MNT: variants seen among roughly 807,000 people sequenced by gnomAD.
MNT encodes the protein max-binding protein MNT.
Under a neutral mutation model 40.7 loss-of-function variants are expected in MNT, and 13 were observed. The observed-to-expected ratio is 0.32, with a 90% CI of 0.21 to 0.51. The LOEUF is 0.51. Ranked by LOEUF, MNT falls within the 20% of genes least tolerant of loss-of-function variation. The pLI is 0.98. For missense variants in MNT, 757 were observed against 792.0 expected (o/e 0.96, Z 0.53); for synonymous variants, 426 against 354.8 (o/e 1.20, Z -2.26).
intron 4 of MNT, among the ~76,000 whole-genome samples, chr17:2,388,700 GCC>G (rs1204976477): frequency 6.6e-6 from 1 of 152,034 alleles, no homozygotes; most frequent in Non-Finnish European, 1.5e-5. Context: ...CTAGGAACGT[GCC>G]CCCTGTACTT....
chr17:2,395,458 C>T lies in MNT; in HGVS notation c.74-4G>A, dbSNP rs778556609. 1 of 1,611,466 alleles carries T rather than the reference C, an allele frequency of 6.2e-7. No individual in the cohort carries two copies. Among genetic ancestry groups the T allele is most frequent in the South Asian group, 1.1e-5 (1 of 91,050 alleles). Reference sequence around the variant, plus strand: ...AAGCGAAGCCGCTCCTGCTCCTCTACACAGAGAGAACACAAGGGGGGGAGG... The same window carrying T: ...AAGCGAAGCCGCTCCTGCTCCTCTATACAGAGAGAACACAAGGGGGGGAGG... On this transcript the variant is annotated splice_polypyrimidine_tract_variant and splice_region_variant and intron_variant, in intron 1 of 5. Coordinates refer to ENST00000174618, the MANE Select transcript of MNT (RefSeq NM_020310.3).
intron 1 of MNT, chr17:2,396,402 T>C (rs1216188397): frequency 1.3e-5 from 2 of 152,260 alleles, no homozygotes; most frequent in African/African-American, 4.8e-5. Flanking sequence ...CCTGAGACAA[T>C]ACAAATACCC....
intron 4 of MNT, chr17:2,391,834 A>C (rs1434453748): frequency 6.6e-6 from 1 of 152,126 alleles, no homozygotes; most frequent in Non-Finnish European, 1.5e-5. Flanking sequence ...CGGAGGTCGC[A>C]CTCTGTGGCC....
At chr17:2,395,602 G>A (rs2066571753) in intron 1 of MNT, 148 bp from the exon 2 acceptor site, 2 of 1,424,678 alleles carry the variant, frequency 1.4e-6, no homozygotes, top group Non-Finnish European at 1.9e-6. Context: ...GCCCAGCCAG[G>A]CACGGGGGAA....
chr17:2,392,889 G>C (rs949059772), intron 4 of MNT: 3 of 152,110 alleles, frequency 2.0e-5, no homozygotes, highest in Non-Finnish European at 4.4e-5. Flanking sequence ...GCGCGTTGGC[G>C]GGAGGCTGGG....
At position 2,387,323 on chromosome 17, in the gene MNT, G is replaced by T; in HGVS notation, c.1327C>A (p.His443Asn). ...TAGGGSTVIAHTATTHASVIQ... is the reference protein window; with the variant it reads ...TAGGGSTVIANTATTHASVIQ... ...ACTGAAGCGTGAGTGGTGGCTGTGTGGGCGATGACCGTGGAGCCACCCCCA... is the reference window on the plus strand; with the variant it reads ...ACTGAAGCGTGAGTGGTGGCTGTGTTGGCGATGACCGTGGAGCCACCCCCA... Residue 443 changes from histidine (H) to asparagine (N), a missense_variant, in exon 6 of 6, where the codon CAC becomes AAC. Around this residue, in one of 4 missense-constraint regions of MNT, gnomAD observed 345 missense variants for 380.1 expected, o/e 0.91. Coordinates refer to ENST00000174618, the MANE Select transcript of MNT (RefSeq NM_020310.3). The T allele has an allele frequency of 6.2e-7, 1 of 1,613,162 alleles. No individual in the cohort carries two copies. Among genetic ancestry groups the T allele is most frequent in the Non-Finnish European group, 8.5e-7 (1 of 1,179,776 alleles).
chr17:2,393,966 G>A (rs2066550364), intron 4 of MNT, 77 bp downstream of exon 4: 4 of 1,001,130 alleles, frequency 4.0e-6, no homozygotes, highest in Non-Finnish European at 5.5e-6. Flanking sequence ...GTGAGGGCGG[G>A]GCGGGGCGCG....
Position 2,400,900 on chromosome 17 carries a change from T to C in MNT, c.-188A>G. The C allele has an allele frequency of 2.4e-6, 1 of 417,146 alleles. No individual in the cohort carries two copies. The highest frequency in any genetic ancestry group is 4.2e-6 in the Non-Finnish European group (1 of 236,988). 25.8% of individuals were successfully genotyped at this position (417,146 alleles called of 1,614,324 possible). A position where few individuals can be genotyped will look rare whatever the true frequency, so the allele number is the denominator to read the frequency against. ...GAAAAATCAATGTCTCTCAAAATAT[T>C]TGCAAAATATAAAATTGCAAATTTA... On this transcript the variant is annotated 5_prime_UTR_variant, in exon 1 of 6. Transcript: ENST00000174618.
At chr17:2,393,662 G>A (rs2066545189) in intron 4 of MNT, 1 of 153,726 alleles carries the variant, frequency 6.5e-6, no homozygotes, top group Non-Finnish European at 1.4e-5. Context: ...CTCCCGCCCA[G>A]GCTCTGCGGC....
intron 4 of MNT, chr17:2,390,633 T>C (rs556335810): frequency 6.6e-6 from 1 of 152,290 alleles, no homozygotes; most frequent in East Asian, 1.9e-4. Context: ...TACTCCCTGT[T>C]GCCAAAAAGG....
rs769115057 is a variant in MNT, at chr17:2,394,952, G to C, written c.576C>G (p.Pro192=). The change falls in exon 2 of 6, where the codon CCC becomes CCG. Residue 192 remains proline (P), a synonymous_variant. Transcript: ENST00000174618. ...ACTTCAGGGTCCCCAGCGTGGGTGG[G>C]GGCGGCTGCTGGGGGGCCAGCTGAG... is the stretch of plus-strand genomic sequence containing the variant. ...VQPQLAPQQP[P]PPTLGTLKLA... is the part of the protein sequence containing the mutation. The C allele has an allele frequency of 2.1e-5, 33 of 1,607,800 alleles. No individual in the cohort carries two copies. In the Admixed American group the frequency reaches 2.4e-4, roughly 12 times the overall value.
chr17:2,393,359 C>G (rs1242149714), intron 4 of MNT, among the ~76,000 whole-genome samples: 2 of 152,146 alleles, frequency 1.3e-5, no homozygotes, highest in Non-Finnish European at 2.9e-5. Context: ...AGGGAGGGGA[C>G]GCGCAGCCGG....
At position 2,388,058 on chromosome 17, in the gene MNT, C is replaced by A; in HGVS notation, c.808-9G>T. 1 of 1,552,208 alleles carries A rather than the reference C, an allele frequency of 6.4e-7. No homozygotes were observed. Among genetic ancestry groups the A allele is most frequent in the Non-Finnish European group, 8.7e-7 (1 of 1,146,600 alleles). Reference sequence around the variant, plus strand: ...TCCTTCCTCTTCAGGGACTGGCACACAGAGTAAGGGACAGCAGGACACCCT... The same window carrying A: ...TCCTTCCTCTTCAGGGACTGGCACAAAGAGTAAGGGACAGCAGGACACCCT... On this transcript the variant is annotated splice_polypyrimidine_tract_variant and intron_variant, in intron 4 of 5. Transcript: ENST00000174618.
chr17:2,398,076 G>C (rs2066589197), intron 1 of MNT, among the ~76,000 whole-genome samples: 1 of 152,224 alleles, frequency 6.6e-6, no homozygotes, highest in Admixed American at 6.5e-5. Context: ...CACACTGGTG[G>C]GCCCCAGCAG....
rs1466304444 is a variant in MNT at position 2,395,326 on chromosome 17, A to G, written c.202T>C (p.Ser68Pro). The change falls in exon 2 of 6, where the codon TCT becomes CCT. Residue 68 changes from serine to proline, a missense_variant. Around this residue, in one of 4 missense-constraint regions of MNT, gnomAD observed 335 missense variants for 291.4 expected, o/e 1.15. Coordinates refer to ENST00000174618, the MANE Select transcript of MNT (RefSeq NM_020310.3). ...GGTGCCGGCGGGGGAGCCGGTGGAG[A>G]CAGAGGCAGGGGTGGCGCCTCCATG... ...PRMEAPPLPL[S>P]PPAPPPAPPP... 1 of 1,609,422 alleles carries G rather than the reference A, an allele frequency of 6.2e-7. No individual in the cohort carries two copies. Among genetic ancestry groups the G allele is most frequent in the Non-Finnish European group, 8.5e-7 (1 of 1,178,326 alleles).
chr17:2,399,596 G>C (rs1168513239), intron 1 of MNT, among the ~76,000 whole-genome samples: 1 of 152,260 alleles, frequency 6.6e-6, no homozygotes, highest in African/African-American at 2.4e-5. Context: ...GGTGCCCAGA[G>C]GCCGGGGCCC....
intron 1 of MNT, among the ~76,000 whole-genome samples, chr17:2,397,245 C>T (rs1053530769): frequency 6.6e-6 from 1 of 152,204 alleles, no homozygotes; most frequent in African/African-American, 2.4e-5. Flanking sequence ...CAGCCCTGCG[C>T]TCCCGCTTCC....
rs930368566 is a variant in MNT at position 2,399,297 on chromosome 17, G to A, written c.73+1343C>T. ...CCCTCTGCAGCACCCTGAAGCCAGG[G>A]ACCACCAACAGGGCGCGTGAAGATA... On this transcript the variant is annotated intron_variant, in intron 1 of 5. Coordinates refer to ENST00000174618, the MANE Select transcript of MNT (RefSeq NM_020310.3). Among the ~76,000 whole-genome samples, 10 of 152,222 alleles carry A rather than the reference G, an allele frequency of 6.6e-5. 1 individual carries two copies. The highest frequency in any genetic ancestry group is 2.4e-4 in the African/African-American group (10 of 41,538).
Position 2,400,317 on chromosome 17 carries a change from C to T in MNT, c.73+323G>A, listed in dbSNP as rs2066605993. On this transcript the variant is annotated intron_variant, in intron 1 of 5. Transcript: ENST00000174618. ...CAACACCATTCCTCACCCCACCCCC[C>T]GGCTCACACATCCTCAGTGCCACCG... The T allele has an allele frequency of 1.4e-5, 4 of 289,736 alleles. No individual in the cohort carries two copies. In the South Asian group the frequency reaches 1.7e-4, roughly 12 times the overall value. The allele number at this position is 289,736 out of a possible 1,614,324, so 17.9% of individuals were successfully genotyped here.
Sources: allele counts gnomAD v4.1 joint callset (sites outside exome capture counted in the v4.1 genomes callset), GRCh38; gene constraint gnomAD v4.1.1; regional missense constraint gnomAD v4.1.1; transcripts MANE v1.5; gene names NCBI Gene and HGNC (gene_info 2026-07-23, HGNC 2026-07-21).